Variants in ZBED4 observed in about 807,000 individuals in gnomAD.
The protein encoded by ZBED4 is zinc finger BED domain-containing protein 4.
ZBED4 carries 4 observed loss-of-function variants against 15.5 expected under a neutral mutation model. The observed-to-expected ratio is 0.26, with a 90% CI of 0.13 to 0.59. The LOEUF (loss-of-function observed/expected upper bound fraction) is 0.59. Ranked by LOEUF, ZBED4 falls within the 20% of genes least tolerant of loss-of-function variation. The pLI is 0.90. For missense variants in ZBED4, 1,323 were observed against 1,461.8 expected (o/e 0.91, Z 1.55); for synonymous variants, 692 against 608.5 (o/e 1.14, Z -2.02).
chr22:49,872,826 C>G (rs920839682), intron 1 of ZBED4, among the ~76,000 whole-genome samples: 5 of 152,064 alleles, frequency 3.3e-5, no homozygotes, highest in African/African-American at 1.2e-4. Flanking sequence ...CTGCCTCAGC[C>G]TCCCGAGTAG....
rs985784944 is a variant in ZBED4 at position 49,886,557 on chromosome 22, C to G, written c.2895C>G (p.Asn965Lys). The change falls in exon 2 of 2, where the codon AAC becomes AAG. Residue 965 changes from asparagine to lysine, a missense_variant. This residue lies in a region of ZBED4 where 312 missense variants were observed against 410.7 expected (regional missense o/e 0.76). Transcript: ENST00000216268. The surrounding 1 kb of genome is among the most constrained non-coding windows in gnomAD (Gnocchi z 7.7). ...SQVIPMVHILNRKVEMLFEET... is the reference protein window; with the variant it reads ...SQVIPMVHILKRKVEMLFEET... Reference sequence around the variant, plus strand: ...TCATCCCCATGGTACACATCCTCAACAGGAAGGTGGAGATGCTCTTCGAGG... The same window carrying G: ...TCATCCCCATGGTACACATCCTCAAGAGGAAGGTGGAGATGCTCTTCGAGG... The G allele has an allele frequency of 3.1e-5, 48 of 1,560,968 alleles. No individual in the cohort carries two copies. Among genetic ancestry groups the G allele is most frequent in the Non-Finnish European group, 3.7e-5 (43 of 1,152,410 alleles).
At chr22:49,880,490 G>C (rs1235864716) in intron 1 of ZBED4, among the ~76,000 whole-genome samples, 1 of 152,234 alleles carries the variant, frequency 6.6e-6, no homozygotes, top group Non-Finnish European at 1.5e-5. Context: ...CGCCGTGAGC[G>C]AGGGCAGGTG....
intron 1 of ZBED4, among the ~76,000 whole-genome samples, chr22:49,855,309 C>T (rs1354774707): frequency 1.3e-5 from 2 of 152,152 alleles, no homozygotes; most frequent in African/African-American, 4.8e-5. Flanking sequence ...AAACCTAAGA[C>T]TTTTAGTCCA....
Position 49,884,895 on chromosome 22 carries a change from G to A in ZBED4, c.1233G>A (p.Val411=). The change falls in exon 2 of 2, where the codon GTG becomes GTA. Residue 411 remains valine, a synonymous_variant. Coordinates refer to ENST00000216268, the MANE Select transcript of ZBED4 (RefSeq NM_014838.3). ...CTGGAGATGGGCTGATGGAAGACGT[G>A]GCGGCCTTCTCATCTTCCGATGACA... The part of the protein sequence containing the change: ...LNPGDGLMED[V]AAFSSSDDIG... 6.2e-7 allele frequency: 1 copy of A among 1,603,098 alleles called. No homozygotes were observed. Among genetic ancestry groups the A allele is most frequent in the Non-Finnish European group, 8.5e-7 (1 of 1,172,880 alleles).
chr22:49,861,265 C>G (rs2060296125), intron 1 of ZBED4, among the ~76,000 whole-genome samples: 1 of 151,816 alleles, frequency 6.6e-6, no homozygotes, highest in Non-Finnish European at 1.5e-5. Flanking sequence ...CCTCAGCCTC[C>G]TGAGTAGCTG....
chr22:49,874,236 G>A (rs1443594812), intron 1 of ZBED4, among the ~76,000 whole-genome samples: 1 of 152,182 alleles, frequency 6.6e-6, no homozygotes, highest in Non-Finnish European at 1.5e-5. Context: ...ACTGTTTCCC[G>A]GATGCGTCTC....
At chr22:49,873,075 C>A (rs1364322456) in intron 1 of ZBED4, among the ~76,000 whole-genome samples, 2 of 152,228 alleles carry the variant, frequency 1.3e-5, no homozygotes, top group Non-Finnish European at 2.9e-5. Flanking sequence ...ATGCAGTCCA[C>A]CTGCCTTGGC....
chr22:49,885,294 G>T lies in ZBED4; in HGVS notation c.1632G>T (p.Val544=). ...CCAAATTGACTGACTTGCCAACAGT[G>T]GTCACAAAAAACAATCAAGTTATGT... ...SSSKLTDLPT[V]VTKNNQVMFP... The change falls in exon 2 of 2, where the codon GTG becomes GTT. Residue 544 remains valine (V), a synonymous_variant. Transcript: ENST00000216268. The T allele has an allele frequency of 6.3e-7, 1 of 1,591,668 alleles. No homozygotes were observed. The highest frequency in any genetic ancestry group is 1.8e-5 in the Admixed American group (1 of 56,274).
rs775832850 is a variant in ZBED4, at chr22:49,886,864, G to A, written c.3202G>A (p.Val1068Met). The change falls in exon 2 of 2, where the codon GTG (valine) becomes ATG (methionine). Residue 1068 changes from valine (V) to methionine (M), a missense_variant. By Grantham distance (21) the Val-to-Met change is conservative. This residue lies in a region of ZBED4 where 312 missense variants were observed against 410.7 expected (regional missense o/e 0.76). Coordinates refer to ENST00000216268, the MANE Select transcript of ZBED4 (RefSeq NM_014838.3). This position sits in a 1 kb window ranked among gnomAD's most constrained non-coding sequence, Gnocchi z 7.7. ...SAAEENLWSL[V>M]AKVKKKDPRE... is the part of the protein sequence containing the mutation. ...CGCAGAGGAGAACCTGTGGTCACTTGTGGCCAAGGTGAAGAAGAAAGACCC... is the reference window on the plus strand; with the variant it reads ...CGCAGAGGAGAACCTGTGGTCACTTATGGCCAAGGTGAAGAAGAAAGACCC... 6.2e-7 allele frequency: 1 copy of A among 1,614,108 alleles called. No homozygotes were observed. Among genetic ancestry groups the A allele is most frequent in the Non-Finnish European group, 8.5e-7 (1 of 1,180,028 alleles).
At position 49,884,936 on chromosome 22, in the gene ZBED4, C is replaced by T. The variant is rs146411541; in HGVS notation, c.1274C>T (p.Ala425Val). 4.3e-3 allele frequency: 6,911 copies of T among 1,607,336 alleles called. 47 individuals are homozygous for T. Among genetic ancestry groups the T allele is most frequent in the Middle Eastern group, 0.023 (137 of 6,016 alleles). ...SSSDDIGEAS[A>V]SSPEKQQADG... is the part of the protein sequence containing the mutation. Reference sequence around the variant, plus strand: ...TCCGATGACATAGGGGAGGCCTCGGCGTCCTCTCCTGAGAAGCAGCAGGCT... The same window carrying T: ...TCCGATGACATAGGGGAGGCCTCGGTGTCCTCTCCTGAGAAGCAGCAGGCT... The change falls in exon 2 of 2, where the codon GCG becomes GTG. Residue 425 changes from alanine (A) to valine (V), a missense_variant. Coordinates refer to ENST00000216268, the MANE Select transcript of ZBED4 (RefSeq NM_014838.3).
Position 49,887,392 on chromosome 22 carries a change from A to G in ZBED4, c.*214A>G, listed in dbSNP as rs1277945182. 15 of 467,426 alleles carry G rather than the reference A, an allele frequency of 3.2e-5. No individual in the cohort carries two copies. In the Admixed American group the frequency reaches 4.0e-4, roughly 13 times the overall value. 29.0% of individuals were successfully genotyped at this position (467,426 alleles called of 1,614,324 possible). A position where few individuals can be genotyped will look rare whatever the true frequency, so the allele number is the denominator to read the frequency against. On this transcript the variant is annotated 3_prime_UTR_variant, in exon 2 of 2. Transcript: ENST00000216268. ...TGTTTTATTAAGACGTCCACTAGAA[A>G]TAGCTTGTCCTGTCAACTATGAAAT... is the stretch of plus-strand genomic sequence containing the variant.
Position 49,886,947 on chromosome 22 carries a change from A to G in ZBED4, c.3285A>G (p.Glu1095=). ...CGTATCTGGAGGAGGAGGTGCTTGA[A>G]CACAGCTGTGACCCGCTCACCTACT... ...VLAYLEEEVL[E]HSCDPLTYWN... is the part of the protein sequence containing the mutation. The change falls in exon 2 of 2, where the codon GAA becomes GAG. Residue 1095 remains glutamate, a synonymous_variant. Transcript: ENST00000216268. This position sits in a 1 kb window ranked among gnomAD's most constrained non-coding sequence, Gnocchi z 7.7. The G allele has an allele frequency of 6.2e-7, 1 of 1,614,072 alleles. No individual in the cohort carries two copies. Among genetic ancestry groups the G allele is most frequent in the African/African-American group, 1.3e-5 (1 of 75,010 alleles).
intron 1 of ZBED4, among the ~76,000 whole-genome samples, chr22:49,867,150 G>A (rs1439329922): frequency 1.3e-5 from 2 of 152,162 alleles, no homozygotes; most frequent in Admixed American, 6.5e-5. Flanking sequence ...CTCACGGTTT[G>A]TTTTTCACCC....
At chr22:49,879,205 A>C in intron 1 of ZBED4, among the ~76,000 whole-genome samples, 1 of 149,744 alleles carries the variant, frequency 6.7e-6, no homozygotes. Flanking sequence ...GCTCACTGTA[A>C]CTTGCGCCTC....
chr22:49,873,246 C>A (rs1008055592), intron 1 of ZBED4, among the ~76,000 whole-genome samples: 1 of 152,220 alleles, frequency 6.6e-6, no homozygotes, highest in African/African-American at 2.4e-5. Context: ...TCATTTCTAT[C>A]TTTTGAAAAT....
In ZBED4 at chr22:49,885,310, C is replaced by A; in HGVS notation, c.1648C>A (p.Gln550Lys). The A allele has an allele frequency of 6.3e-7, 1 of 1,593,132 alleles. No homozygotes were observed. The highest frequency in any genetic ancestry group is 8.6e-7 in the Non-Finnish European group (1 of 1,168,556). ...GCCAACAGTGGTCACAAAAAACAAT[C>A]AAGTTATGTTTCCTGTTAATAGCAA... ...DLPTVVTKNN[Q>K]VMFPVNSKKT... The change falls in exon 2 of 2, where the codon CAA (glutamine) becomes AAA (lysine). Residue 550 changes from glutamine (Q) to lysine (K), a missense_variant. Gln to Lys is a moderately conservative substitution (Grantham distance 53, BLOSUM62 1). Coordinates refer to ENST00000216268, the MANE Select transcript of ZBED4 (RefSeq NM_014838.3).
At chr22:49,867,079 C>T (rs1203726752) in intron 1 of ZBED4, among the ~76,000 whole-genome samples, 1 of 152,198 alleles carries the variant, frequency 6.6e-6, no homozygotes, top group African/African-American at 2.4e-5. Flanking sequence ...TCAGCTGCAT[C>T]TCATCCATTT....
chr22:49,857,490 T>C (rs1191835844), intron 1 of ZBED4, among the ~76,000 whole-genome samples: 1 of 152,244 alleles, frequency 6.6e-6, no homozygotes, highest in Admixed American at 6.5e-5. Context: ...CAAGACGCCC[T>C]TACCTGGGTT....
chr22:49,883,465 C>A lies in ZBED4; in HGVS notation c.-198C>A. ...GTTTAGTAGCAGGACTCTTGGAAAG[C>A]AGTGATCTATGCTGTAAGACCATGA... On this transcript the variant is annotated 5_prime_UTR_variant, in exon 2 of 2. Transcript: ENST00000216268. 3.1e-6 allele frequency: 2 copies of A among 653,636 alleles called. No homozygotes were observed. Among genetic ancestry groups the A allele is most frequent in the Non-Finnish European group, 4.7e-6 (2 of 426,766 alleles). The allele number at this position is 653,636 out of a possible 1,614,324, so 40.5% of individuals were successfully genotyped here. A position where few individuals can be genotyped will look rare whatever the true frequency, so the allele number is the denominator to read the frequency against.
Sources: gnomAD v4.1 joint callset for allele counts (sites outside exome capture counted in the v4.1 genomes callset) on GRCh38, gnomAD v4.1.1 for gene constraint, gnomAD v4.1.1 regional missense constraint, Gnocchi (gnomAD v3.1) non-coding constraint, MANE v1.5 for transcripts, NCBI Gene and HGNC (gene_info 2026-07-23, HGNC 2026-07-21) for gene names.